The following ZNF19 variants were observed in gnomAD, a reference collection of about 807,000 sequenced individuals.
ZNF19 encodes the protein zinc finger protein 19 (KOX 12).
Under a neutral mutation model 13.1 loss-of-function variants are expected in ZNF19, and 11 were observed. The observed-to-expected ratio is 0.84, with a 90% CI of 0.53 to 1.39. The LOEUF is 1.39. Among genes scored for constraint, ZNF19 ranks in the 40% most tolerant of loss-of-function variants. ZNF19 has a pLI of 0.00. For synonymous variants in ZNF19, 186 were observed against 187.0 expected (o/e 0.99, Z 0.04); for missense variants, 560 against 547.0 (o/e 1.02, Z -0.24).
intron 3 of ZNF19, 131 bp from the exon 4 acceptor site, chr16:71,479,136 C>T (rs972407141): frequency 2.4e-6 from 3 of 1,226,210 alleles, no homozygotes; most frequent in Non-Finnish European, 3.5e-6. Context: ...TGTGACAGAA[C>T]TGGATATTAG....
At chr16:71,483,061 T>C (rs1472459500) in intron 2 of ZNF19, among the ~76,000 whole-genome samples, 1 of 152,188 alleles carries the variant, frequency 6.6e-6, no homozygotes, top group African/African-American at 2.4e-5. Flanking sequence ...CTTTTAGAAC[T>C]GGCAAAATGA....
chr16:71,478,567 A>G (rs1325056787), intron 4 of ZNF19: 2 of 689,022 alleles, frequency 2.9e-6, no homozygotes, highest in Non-Finnish European at 5.3e-6. Context: ...GAGCAAACAC[A>G]GGGAAGGGGA....
At position 71,476,262 on chromosome 16, in the gene ZNF19, G is replaced by A. The variant is rs780390347; in HGVS notation, c.285C>T (p.Thr95=). 5 of 1,610,364 alleles carry A rather than the reference G, an allele frequency of 3.1e-6. No homozygotes were observed. The South Asian group carries it at 4.4e-5, about 14-fold the overall frequency. Residue 95 remains threonine (T), a synonymous_variant, in exon 6 of 6, where the codon ACC becomes ACT. Coordinates refer to ENST00000288177, the MANE Select transcript of ZNF19 (RefSeq NM_006961.4). ...RTKNVCKDVE[T]NIDSESTLIQ... Reference sequence around the variant, plus strand: ...TTAATGTGGACTCACTGTCAATGTTGGTCTCAACATCTGACATAAGAGATA... The same window carrying A: ...TTAATGTGGACTCACTGTCAATGTTAGTCTCAACATCTGACATAAGAGATA...
intron 1 of ZNF19, among the ~76,000 whole-genome samples, chr16:71,488,357 C>CAAAAAAAAAAAAAAAAAAAAA (rs1204906609): frequency 1.5e-5 from 1 of 65,388 alleles, no homozygotes. Flanking sequence ...GAGACTATCT[C>CAAAAAAAAAAAAAAAAAAAAA]AAAAAAAAAA....
intron 2 of ZNF19, among the ~76,000 whole-genome samples, chr16:71,482,919 C>T (rs1289462993): frequency 6.6e-6 from 1 of 152,196 alleles, no homozygotes; most frequent in Non-Finnish European, 1.5e-5. Flanking sequence ...CCAGACTAGT[C>T]CTCAAACTAC....
At chr16:71,486,665 C>T (rs956260845) in intron 1 of ZNF19, among the ~76,000 whole-genome samples, 3 of 152,156 alleles carry the variant, frequency 2.0e-5, no homozygotes, top group South Asian at 4.1e-4. Context: ...TGTTGTTTTA[C>T]GCCACTACTC....
chr16:71,475,882 C>G lies in ZNF19; in HGVS notation c.665G>C (p.Cys222Ser). Residue 222 changes from cysteine (C) to serine (S), a missense_variant, in exon 6 of 6, where the codon TGT becomes TCT. Transcript: ENST00000288177. ...TGERPYQCEE[C>S]GRAFNDNANL... ...TGCATTATCATTAAAGGCTCGCCCA[C>G]ACTCCTCACACTGATAGGGTCTCTC... 1 of 1,613,436 alleles carries G rather than the reference C, an allele frequency of 6.2e-7. No individual in the cohort carries two copies. Among genetic ancestry groups the G allele is most frequent in the Non-Finnish European group, 8.5e-7 (1 of 1,179,508 alleles).
At position 71,475,203 on chromosome 16, in the gene ZNF19, G is replaced by A. The variant is rs2043591964; in HGVS notation, c.1344C>T (p.Gly448=). 6.2e-7 allele frequency: 1 copy of A among 1,611,084 alleles called. No individual in the cohort carries two copies. Among genetic ancestry groups the A allele is most frequent in the African/African-American group, 1.3e-5 (1 of 74,876 alleles). The change falls in exon 6 of 6, where the codon GGC becomes GGT. Residue 448 remains glycine (G), a synonymous_variant. Coordinates refer to ENST00000288177, the MANE Select transcript of ZNF19 (RefSeq NM_006961.4). ...EKPVLDICRF[G]LPEFFTPFYW ...AAAAGGGGGTAAAAAATTCTGGGAG[G>A]CCAAAACGACAAATGTCCAGCACAG...
At position 71,485,194 on chromosome 16, in the gene ZNF19, AAT is replaced by A. The variant is rs1413594183; in HGVS notation, c.-189-448_-189-447del. Among the ~76,000 whole-genome samples the A allele has an allele frequency of 9.1e-4, 138 of 152,294 alleles. 1 individual carries two copies. In the East Asian group the frequency reaches 0.024, roughly 27 times the overall value. On this transcript the variant is annotated intron_variant, in intron 1 of 5. Coordinates refer to ENST00000288177, the MANE Select transcript of ZNF19 (RefSeq NM_006961.4). ...GCCAGGCGCGGTGGCTCACGCCTGT[AAT>A]CCCAGCACTTTCGGAGGCCAAGGCG...
At chr16:71,479,449 T>G (rs1055070662) in intron 3 of ZNF19, among the ~76,000 whole-genome samples, 1 of 152,152 alleles carries the variant, frequency 6.6e-6, no homozygotes, top group Non-Finnish European at 1.5e-5. Context: ...CCCACATGTG[T>G]TCACCCTGCC....
rs113452572 is a variant in ZNF19 at position 71,484,073 on chromosome 16, G to C, written c.-30+516C>G. On this transcript the variant is annotated intron_variant, in intron 2 of 5. Transcript: ENST00000288177. ...TGTGCTGTTAGATGATGCTGAAGAAGTCACAAGGGACAAAGCCACACTTTG... is the reference window on the plus strand; with the variant it reads ...TGTGCTGTTAGATGATGCTGAAGAACTCACAAGGGACAAAGCCACACTTTG... Among the ~76,000 whole-genome samples the C allele has an allele frequency of 7.4e-4, 112 of 152,354 alleles. 1 individual carries two copies. The highest frequency in any genetic ancestry group is 2.6e-3 in the African/African-American group (107 of 41,582).
At position 71,475,066 on chromosome 16, in the gene ZNF19, T is replaced by G; in HGVS notation, c.*104A>C. On this transcript the variant is annotated 3_prime_UTR_variant, in exon 6 of 6. Coordinates refer to ENST00000288177, the MANE Select transcript of ZNF19 (RefSeq NM_006961.4). The stretch of plus-strand genomic sequence containing the variant: ...ATCTACTGACATCTGAATCATTAAC[T>G]GTGGCTTGAGGGATGGATCAGAGGC... 7.5e-7 allele frequency: 1 copy of G among 1,334,874 alleles called. No individual in the cohort carries two copies. The highest frequency in any genetic ancestry group is 2.5e-5 in the East Asian group (1 of 39,612). The allele number at this position is 1,334,874 out of a possible 1,614,324, so 82.7% of individuals were successfully genotyped here.
intron 1 of ZNF19, among the ~76,000 whole-genome samples, chr16:71,488,187 G>C (rs1226488608): frequency 1.3e-5 from 2 of 151,402 alleles, no homozygotes; most frequent in Non-Finnish European, 2.9e-5. Flanking sequence ...TGGAGAAATC[G>C]CATCTCTACT....
Position 71,475,154 on chromosome 16 carries a change from T to C in ZNF19, c.*16A>G, listed in dbSNP as rs2043591592. 6.4e-7 allele frequency: 1 copy of C among 1,555,868 alleles called. No homozygotes were observed. Among genetic ancestry groups the C allele is most frequent in the Non-Finnish European group, 8.7e-7 (1 of 1,149,484 alleles). On this transcript the variant is annotated 3_prime_UTR_variant, in exon 6 of 6. Transcript: ENST00000288177. ...GAAGACGGAATCCACTCAGTACATT[T>C]CACTGGAGTGTACTATTACCAGTAA...
chr16:71,478,231 T>C lies in ZNF19; in HGVS notation c.271A>G (p.Lys91Glu). Residue 91 changes from lysine to glutamate, a missense_variant, in exon 5 of 6, where the codon AAA (lysine) becomes GAA (glutamate). Transcript: ENST00000288177. ...PPAERTKNVCKDVETNIDSES... is the reference protein window; with the variant it reads ...PPAERTKNVCEDVETNIDSES... Reference sequence around the variant, plus strand: ...GTTCTAAATCTGCCTCACCTACCTTTACAGACGTTTTTGGTCCTCTCTGCT... The same window carrying C: ...GTTCTAAATCTGCCTCACCTACCTTCACAGACGTTTTTGGTCCTCTCTGCT... 6.2e-7 allele frequency: 1 copy of C among 1,612,722 alleles called. No homozygotes were observed. The highest frequency in any genetic ancestry group is 8.5e-7 in the Non-Finnish European group (1 of 1,178,936).
At chr16:71,484,031 T>A (rs1315477614) in intron 2 of ZNF19, among the ~76,000 whole-genome samples, 1 of 152,236 alleles carries the variant, frequency 6.6e-6, no homozygotes, top group Non-Finnish European at 1.5e-5. Flanking sequence ...AACACTGTAG[T>A]AGCAGTCAAA....
At position 71,474,438 on chromosome 16, in the gene ZNF19, C is replaced by T. The variant is rs1708262388; in HGVS notation, c.*732G>A. 1 of 152,130 alleles carries T rather than the reference C, an allele frequency of 6.6e-6. No individual in the cohort carries two copies. The highest frequency in any genetic ancestry group is 2.4e-5 in the African/African-American group (1 of 41,414). 9.4% of individuals were successfully genotyped at this position (152,130 alleles called of 1,614,324 possible). On this transcript the variant is annotated 3_prime_UTR_variant, in exon 6 of 6. Transcript: ENST00000288177. ...TTAAGACTTTTCTTGAGAATGGATT[C>T]ACTGGTGCAGACATAATTTTGTAGT... is the stretch of plus-strand genomic sequence containing the variant.
At position 71,482,014 on chromosome 16, in the gene ZNF19, A is replaced by ACCTCATTT. The variant is rs1175296249; in HGVS notation, c.33+67_33+68insAAATGAGG. On this transcript the variant is annotated intron_variant, in intron 3 of 5. Coordinates refer to ENST00000288177, the MANE Select transcript of ZNF19 (RefSeq NM_006961.4). ...TTTGGCTCTAAGACTTGCCAGAATC[A>ACCTCATTT]CCTTTATCCACCTCATTTCCTTCAA... 23 of 1,564,590 alleles carry ACCTCATTT rather than the reference A, an allele frequency of 1.5e-5. No individual in the cohort carries two copies. In the Admixed American group the frequency reaches 2.0e-4, roughly 14 times the overall value.
At chr16:71,485,874 AACCT>A (rs1451881577) in intron 1 of ZNF19, among the ~76,000 whole-genome samples, 1 of 152,204 alleles carries the variant, frequency 6.6e-6, no homozygotes, top group Non-Finnish European at 1.5e-5. Flanking sequence ...TCCCCAAAGG[AACCT>A]CATAACCATC....
Sources: allele counts gnomAD v4.1 joint callset (sites outside exome capture counted in the v4.1 genomes callset), GRCh38; gene constraint gnomAD v4.1.1; transcripts MANE v1.5; gene names NCBI Gene and HGNC (gene_info 2026-07-23, HGNC 2026-07-21).